Variants in GRB14 observed in about 807,000 individuals in gnomAD.
The protein encoded by GRB14 is growth factor receptor bound protein 14.
Under a neutral mutation model 69.1 loss-of-function variants are expected in GRB14, and 38 were observed. The ratio of observed to expected loss-of-function variants is 0.55; its 90% CI spans 0.42 to 0.72. The LOEUF (loss-of-function observed/expected upper bound fraction) is 0.72, where lower values mean the gene tolerates loss of function less well. GRB14 is among the 30% of genes least tolerant of loss of function. GRB14 has a pLI of 0.00. For synonymous variants in GRB14, 247 were observed against 241.3 expected, an observed-to-expected ratio of 1.02 and a Z score of -0.22; for missense variants, 666 against 666.1, an observed-to-expected ratio of 1.00 and a Z score of 0.00.
intron 6 of GRB14, among the ~76,000 whole-genome samples, chr2:164,513,873 G>T (rs1405873745): frequency 2.0e-5 from 3 of 152,100 alleles, no homozygotes; most frequent in Non-Finnish European, 4.4e-5. Flanking sequence ...ATTCTCAAAA[G>T]AATTTTTACT....
intron 2 of GRB14, among the ~76,000 whole-genome samples, chr2:164,557,634 G>A (rs1320168935): frequency 1.3e-5 from 2 of 152,094 alleles, no homozygotes; most frequent in African/African-American, 2.4e-5. Flanking sequence ...GGCAGCTCAG[G>A]ATTTGGTGAG....
chr2:164,575,416 A>T (rs1689228465), intron 2 of GRB14, among the ~76,000 whole-genome samples: 1 of 152,220 alleles, frequency 6.6e-6, no homozygotes, highest in Admixed American at 6.5e-5. Flanking sequence ...AATTCCAATC[A>T]TGTATGTGAT....
chr2:164,512,536 G>A (rs1014370733), intron 6 of GRB14, among the ~76,000 whole-genome samples: 1 of 152,200 alleles, frequency 6.6e-6, no homozygotes, highest in African/African-American at 2.4e-5. Flanking sequence ...AGGGACTGGG[G>A]GAACTTGCTG....
At chr2:164,617,017 T>C (rs1275756841) in intron 2 of GRB14, among the ~76,000 whole-genome samples, 3 of 152,204 alleles carry the variant, frequency 2.0e-5, no homozygotes, top group African/African-American at 7.2e-5. Flanking sequence ...GAGTCATCTA[T>C]TCTCAAAACC....
intron 3 of GRB14, among the ~76,000 whole-genome samples, chr2:164,529,300 A>G (rs1004129267): frequency 5.9e-5 from 9 of 152,168 alleles, no homozygotes; most frequent in Admixed American, 3.3e-4. Context: ...GCAGAGTTTC[A>G]GTATGAGAAA....
intron 2 of GRB14, among the ~76,000 whole-genome samples, chr2:164,609,105 T>C (rs1262272356): frequency 6.6e-6 from 1 of 152,164 alleles, no homozygotes; most frequent in African/African-American, 2.4e-5. Flanking sequence ...AAAGATCAGT[T>C]ACTAACTATG....
intron 6 of GRB14, among the ~76,000 whole-genome samples, chr2:164,511,403 A>T (rs1217564056): frequency 6.6e-6 from 1 of 152,174 alleles, no homozygotes; most frequent in Non-Finnish European, 1.5e-5. Flanking sequence ...ATTCTGTCTT[A>T]CATCTTGGAT....
chr2:164,608,667 A>T (rs562110271), intron 2 of GRB14, among the ~76,000 whole-genome samples: 2 of 152,140 alleles, frequency 1.3e-5, no homozygotes, highest in Non-Finnish European at 2.9e-5. Flanking sequence ...AAGTACATAG[A>T]ATTCCTTTGG....
intron 2 of GRB14, among the ~76,000 whole-genome samples, chr2:164,556,356 C>T (rs572260134): frequency 1.9e-4 from 29 of 152,210 alleles, no homozygotes; most frequent in East Asian, 1.5e-3. Flanking sequence ...TCTCCACTTG[C>T]GAGGGATAGT....
Position 164,497,211 on chromosome 2 carries a change from C to A in GRB14, c.1294G>T (p.Ala432Ser). ...ASSQSSATNMAIHRSQPWFHH... is the reference protein window; with the variant it reads ...ASSQSSATNMSIHRSQPWFHH... ...TGGCAATGACTATGAACAGACATAC[C>A]CATGTTTGTGGCAGAGCTCTGTGAA... The change falls in exon 11 of 14, where the codon GCT becomes TCT. Residue 432 changes from alanine (A) to serine (S), a missense_variant and splice_region_variant. Ala to Ser is a moderately conservative substitution (Grantham distance 99). Transcript: ENST00000263915. 6.2e-7 allele frequency: 1 copy of A among 1,612,362 alleles called. No individual in the cohort carries two copies. The highest frequency in any genetic ancestry group is 8.5e-7 in the Non-Finnish European group (1 of 1,178,536).
At chr2:164,581,473 C>G (rs913527408) in intron 2 of GRB14, among the ~76,000 whole-genome samples, 1 of 152,092 alleles carries the variant, frequency 6.6e-6, no homozygotes, top group African/African-American at 2.4e-5. Context: ...AAAAACCAAA[C>G]CAGGAGTCAA....
At position 164,555,965 on chromosome 2, in the gene GRB14, G is replaced by A. The variant is rs142629619; in HGVS notation, c.325-8149C>T. 2.4e-3 allele frequency among the ~76,000 whole-genome samples: 365 copies of A among 150,898 alleles called. 2 individuals are homozygous for A. Among genetic ancestry groups the A allele is most frequent in the African/African-American group, 8.6e-3 (347 of 40,468 alleles). Reference sequence around the variant, plus strand: ...GGCAATGTACTAATAGATAGGCAATGTACTAATATTTCATGAGAAATATTT... The same window carrying A: ...GGCAATGTACTAATAGATAGGCAATATACTAATATTTCATGAGAAATATTT... On this transcript the variant is annotated intron_variant, in intron 2 of 13. Coordinates refer to ENST00000263915, the MANE Select transcript of GRB14 (RefSeq NM_004490.3).
At chr2:164,568,288 G>A in intron 2 of GRB14, 1 of 1,266,388 alleles carries the variant, frequency 7.9e-7, no homozygotes, top group Non-Finnish European at 1.0e-6. Flanking sequence ...AAAAATTAAA[G>A]AAAAAAAGGA....
chr2:164,507,428 C>T (rs954376278), intron 8 of GRB14, among the ~76,000 whole-genome samples: 1 of 152,136 alleles, frequency 6.6e-6, no homozygotes, highest in African/African-American at 2.4e-5. Flanking sequence ...AGTTTTAGTA[C>T]ACGCATTGTT....
intron 5 of GRB14, 53 bp from the exon 6 acceptor site, chr2:164,522,170 G>T: frequency 1.0e-6 from 1 of 955,970 alleles, no homozygotes; most frequent in Non-Finnish European, 1.6e-6. Flanking sequence ...TGATATGGTA[G>T]CCTTATACTA....
chr2:164,538,073 A>G (rs1278309283), intron 3 of GRB14, among the ~76,000 whole-genome samples: 1 of 151,782 alleles, frequency 6.6e-6, no homozygotes, highest in Non-Finnish European at 1.5e-5. Context: ...GTCACTGTGC[A>G]TCGCTTCTGT....
chr2:164,505,106 C>A (rs1382682675), intron 8 of GRB14, among the ~76,000 whole-genome samples: 1 of 152,194 alleles, frequency 6.6e-6, no homozygotes, highest in African/African-American at 2.4e-5. Context: ...GGCTTCTGAA[C>A]TAAAGAACAA....
intron 2 of GRB14, among the ~76,000 whole-genome samples, chr2:164,588,396 A>G (rs1407508147): frequency 6.6e-6 from 1 of 152,180 alleles, no homozygotes; most frequent in Non-Finnish European, 1.5e-5. Context: ...GAATTTCTCT[A>G]CTTAAATCAA....
intron 6 of GRB14, among the ~76,000 whole-genome samples, chr2:164,510,858 G>T (rs547914825): frequency 6.6e-6 from 1 of 152,308 alleles, no homozygotes; most frequent in South Asian, 2.1e-4. Context: ...ACTGAAAGAG[G>T]CACTGAAGGA....
Sources: gnomAD v4.1 joint callset for allele counts (sites outside exome capture counted in the v4.1 genomes callset) on GRCh38, gnomAD v4.1.1 for gene constraint, MANE v1.5 for transcripts, NCBI Gene and HGNC (gene_info 2026-07-23, HGNC 2026-07-21) for gene names.